The following MGAT4C variants were observed in gnomAD, a reference collection of about 807,000 sequenced individuals.
The protein encoded by MGAT4C is alpha-1,3-mannosyl-glycoprotein 4-beta-N-acetylglucosaminyltransferase C.
Under a neutral mutation model 40.1 loss-of-function variants are expected in MGAT4C, and 19 were observed. The observed-to-expected ratio is 0.47, with a 90% CI of 0.33 to 0.70. The LOEUF (loss-of-function observed/expected upper bound fraction) is 0.70. MGAT4C is among the 30% of genes least tolerant of loss of function. The pLI, the probability that MGAT4C is intolerant of heterozygous loss-of-function variation, is 0.02. For synonymous variants in MGAT4C, 181 were observed against 187.1 expected, an observed-to-expected ratio of 0.97 and a Z score of 0.27; for missense variants, 491 against 563.2, an observed-to-expected ratio of 0.87 and a Z score of 1.30.
intron 2 of MGAT4C, among the ~76,000 whole-genome samples, chr12:86,532,871 C>T (rs1010618647): frequency 1.3e-5 from 2 of 151,872 alleles, no homozygotes; most frequent in African/African-American, 4.8e-5. Flanking sequence ...TTAGATTTGA[C>T]CTCTCAGTTA....
intron 1 of MGAT4C, among the ~76,000 whole-genome samples, chr12:86,826,518 C>T (rs772022531): frequency 2.3e-4 from 35 of 151,466 alleles, no homozygotes; most frequent in Middle Eastern, 6.8e-3. Flanking sequence ...TCAATGATGC[C>T]ATCACAATAT....
chr12:86,143,229 T>TGAAGCCAGATGA (rs1457025499), intron 1 of MGAT4C, among the ~76,000 whole-genome samples: 1 of 152,152 alleles, frequency 6.6e-6, no homozygotes, highest in East Asian at 1.9e-4. Context: ...TTCTACATAG[T>TGAAGCCAGATGA]GAAGCCAGAT....
rs530370187 is a variant in MGAT4C at position 86,452,334 on chromosome 12, C to T, written c.-228-17069G>A. ...AACTCGTCATTTACATTAGGCATAT[C>T]TCTTAATGCTATCCCACCCTCCCCC... is the stretch of plus-strand genomic sequence containing the variant. On this transcript the variant is annotated intron_variant, in intron 2 of 7. Transcript: ENST00000548651. Among the ~76,000 whole-genome samples the T allele has an allele frequency of 1.8e-4, 27 of 151,774 alleles. No individual in the cohort carries two copies. The East Asian group carries it at 5.1e-3, about 28-fold the overall frequency.
At chr12:86,291,627 A>G (rs1953520245) in intron 4 of MGAT4C, among the ~76,000 whole-genome samples, 1 of 152,154 alleles carries the variant, frequency 6.6e-6, no homozygotes, top group African/African-American at 2.4e-5. Context: ...TGTATCTGTC[A>G]TTATGTATAT....
intron 2 of MGAT4C, among the ~76,000 whole-genome samples, chr12:86,012,783 C>CCACCACCACCACCACCACCACCACCAG (rs57374769): frequency 3.6e-4 from 47 of 130,796 alleles, no homozygotes; most frequent in Middle Eastern, 8.0e-3. Flanking sequence ...ACAACAACCA[C>CCACCACCACCACCACCACCACCACCAG]CACCACCACC....
At chr12:86,717,783 T>C (rs1950669858) in intron 2 of MGAT4C, among the ~76,000 whole-genome samples, 1 of 152,190 alleles carries the variant, frequency 6.6e-6, no homozygotes, top group African/African-American at 2.4e-5. Flanking sequence ...CATACTTATA[T>C]ATGTATGGGT....
Position 86,455,578 on chromosome 12 carries a change from T to G in MGAT4C, c.-228-20313A>C, listed in dbSNP as rs1428829345. ...AAGCATAATTCTCTGCAACTAAAAC[T>G]TGAAGAAAAGAACTTGGTGATAAGC... On this transcript the variant is annotated intron_variant, in intron 2 of 7. Coordinates refer to the MGAT4C transcript ENST00000548651. Among the ~76,000 whole-genome samples, 4 of 152,110 alleles carry G rather than the reference T, an allele frequency of 2.6e-5. No individual in the cohort carries two copies. In the East Asian group the frequency reaches 5.8e-4, roughly 22 times the overall value.
chr12:86,239,579 T>G (rs1951692394), intron 1 of MGAT4C, among the ~76,000 whole-genome samples: 2 of 152,094 alleles, frequency 1.3e-5, no homozygotes, highest in South Asian at 4.1e-4. Context: ...CCATTAATCC[T>G]TGGAGCATTC....
chr12:86,296,556 G>A (rs1015270204), intron 4 of MGAT4C, among the ~76,000 whole-genome samples: 3 of 152,222 alleles, frequency 2.0e-5, no homozygotes, highest in South Asian at 4.1e-4. Context: ...CGGTGGGAAG[G>A]CAGCTAAGGC....
In MGAT4C at chr12:86,664,951, A is replaced by G. The variant is rs180740702; in HGVS notation, c.-229+62258T>C. Among the ~76,000 whole-genome samples, 17 of 152,214 alleles carry G rather than the reference A, an allele frequency of 1.1e-4. No individual in the cohort carries two copies. The East Asian group carries it at 2.9e-3, about 26-fold the overall frequency. ...AATATCTGAATAAGGTTATTACATC[A>G]TTTCATGTATCAGTATCCCTCATTT... is the stretch of plus-strand genomic sequence containing the variant. On this transcript the variant is annotated intron_variant, in intron 2 of 7. Coordinates refer to the MGAT4C transcript ENST00000548651.
chr12:86,194,808 G>T (rs1161389184), intron 1 of MGAT4C, among the ~76,000 whole-genome samples: 2 of 152,140 alleles, frequency 1.3e-5, no homozygotes, highest in African/African-American at 4.8e-5. Flanking sequence ...TTGATTCAAA[G>T]TTGGATTTCT....
chr12:86,640,977 A>T (rs767961327), intron 2 of MGAT4C, among the ~76,000 whole-genome samples: 1 of 151,914 alleles, frequency 6.6e-6, no homozygotes, highest in Non-Finnish European at 1.5e-5. Context: ...ACAGTTTGTT[A>T]TAATTTCTGT....
rs1267344319 is a variant in MGAT4C at position 86,408,479 on chromosome 12, C to CTCTCTCTCTCTCTCTATA, written c.-120+26677_-120+26678insTATAGAGAGAGAGAGAGA. On this transcript the variant is annotated intron_variant, in intron 3 of 7. Transcript: ENST00000548651. ...TCTCTCTCTCTCTCTCTCTCTCTCT[C>CTCTCTCTCTCTCTCTATA]TATATATATATATATATATATATAT... is the stretch of plus-strand genomic sequence containing the variant. Among the ~76,000 whole-genome samples the CTCTCTCTCTCTCTCTATA allele has an allele frequency of 1.3e-4, 8 of 63,342 alleles. 1 individual carries two copies. Among genetic ancestry groups the CTCTCTCTCTCTCTCTATA allele is most frequent in the African/African-American group, 3.9e-4 (5 of 12,766 alleles). 41.6% of individuals were successfully genotyped at this position (63,342 alleles called of 152,430 possible).
intron 2 of MGAT4C, among the ~76,000 whole-genome samples, chr12:86,446,296 C>G (rs1344557945): frequency 3.3e-5 from 5 of 151,826 alleles, no homozygotes; most frequent in Non-Finnish European, 7.4e-5. Context: ...AAAACAAAGT[C>G]ATTTGAATAA....
At chr12:86,059,713 A>G (rs1247033697) in intron 1 of MGAT4C, among the ~76,000 whole-genome samples, 1 of 152,154 alleles carries the variant, frequency 6.6e-6, no homozygotes, top group Admixed American at 6.6e-5. Flanking sequence ...GGGAAACTTC[A>G]ATGTAGCTGA....
chr12:86,739,830 A>G (rs1951040089), intron 1 of MGAT4C, among the ~76,000 whole-genome samples: 1 of 150,488 alleles, frequency 6.6e-6, no homozygotes, highest in Non-Finnish European at 1.5e-5. Context: ...GTGTGTGTGT[A>G]TATATATTTA....
At chr12:86,580,240 C>A (rs1960726476) in intron 2 of MGAT4C, among the ~76,000 whole-genome samples, 1 of 151,526 alleles carries the variant, frequency 6.6e-6, no homozygotes, top group African/African-American at 2.4e-5. Flanking sequence ...CTCACCTACA[C>A]CTCTCCCTAT....
chr12:86,353,674 G>C (rs1269991402), intron 3 of MGAT4C, among the ~76,000 whole-genome samples: 1 of 152,180 alleles, frequency 6.6e-6, no homozygotes, highest in African/African-American at 2.4e-5. Flanking sequence ...AGCAATGATG[G>C]TGGCATCAGT....
intron 3 of MGAT4C, among the ~76,000 whole-genome samples, chr12:86,403,059 G>A (rs1245522305): frequency 6.6e-6 from 1 of 152,120 alleles, no homozygotes; most frequent in Non-Finnish European, 1.5e-5. Flanking sequence ...TATTGGCCAT[G>A]ACTATCAAAT....
Sources: allele counts gnomAD v4.1 joint callset (sites outside exome capture counted in the v4.1 genomes callset), GRCh38; gene constraint gnomAD v4.1.1; transcripts MANE v1.5; gene names NCBI Gene and HGNC (gene_info 2026-07-23, HGNC 2026-07-21).